The following ARSF variants were observed in gnomAD, a reference collection of about 807,000 sequenced individuals.
ARSF encodes the protein arylsulfatase F.
A neutral mutation model predicts 35.4 loss-of-function variants in ARSF; 33 were observed. The ratio of observed to expected loss-of-function variants is 0.93; its 90% confidence interval spans 0.71 to 1.25. ARSF has a LOEUF of 1.25. Ranked by LOEUF, ARSF falls within the 50% of genes most tolerant of loss-of-function variation. The pLI is 0.00. For synonymous variants in ARSF, 222 were observed against 193.1 expected (o/e 1.15, Z -1.24); for missense variants, 501 against 480.2 (o/e 1.04, Z -0.40).
chrX:3,090,361 A>G (rs772326721), intron 7 of ARSF, among the ~76,000 whole-genome samples: 27 of 111,853 alleles, frequency 2.4e-4, no homozygotes, highest in Non-Finnish European at 4.3e-4. Context: ...TGACAAGATC[A>G]GCTAAAATCT....
chrX:3,047,490 T>C (rs961388535), intron 1 of ARSF, among the ~76,000 whole-genome samples: 71 of 109,876 alleles, frequency 6.5e-4, no homozygotes, highest in African/African-American at 2.3e-3. Flanking sequence ...ATATGCTTAA[T>C]TTTTAAATGC....
At chrX:3,068,522 A>G (rs778423040) in intron 2 of ARSF, among the ~76,000 whole-genome samples, 1 of 111,327 alleles carries the variant, frequency 9.0e-6, no homozygotes, top group Non-Finnish European at 1.9e-5. Flanking sequence ...TGGGCTCAAG[A>G]GATCCTCCAG....
chrX:3,098,085 C>CACAT (rs2090350164), intron 7 of ARSF, among the ~76,000 whole-genome samples: 1 of 107,730 alleles, frequency 9.3e-6, no homozygotes, highest in African/African-American at 3.4e-5. Context: ...CACACACACA[C>CACAT]ACAATGGACA....
In ARSF at chrX:3,086,824, T is replaced by TA. The variant is rs939258186; in HGVS notation, c.830+2166dup. Reference sequence around the variant, plus strand: ...CAGAGTGAGGCCCTGTCTTAAAAAATAAAAAAAATTACCACAAATGTAGTG... The same window carrying TA: ...CAGAGTGAGGCCCTGTCTTAAAAAATAAAAAAAAATTACCACAAATGTAGTG... On this transcript the variant is annotated intron_variant, in intron 6 of 10. Coordinates refer to ENST00000381127, the MANE Select transcript of ARSF (RefSeq NM_001201539.2). 1.8e-3 allele frequency among the ~76,000 whole-genome samples: 195 copies of TA among 110,702 alleles called. 1 individual carries two copies. Among genetic ancestry groups the TA allele is most frequent in the African/African-American group, 4.9e-3 (149 of 30,572 alleles).
At chrX:3,099,964 C>T (rs2090364540) in intron 7 of ARSF, among the ~76,000 whole-genome samples, 1 of 111,674 alleles carries the variant, frequency 9.0e-6, no homozygotes, top group African/African-American at 3.3e-5. Flanking sequence ...TCTGAGATAA[C>T]CAACAGTAGA....
At chrX:3,065,357 G>A (rs1369351036) in intron 1 of ARSF, among the ~76,000 whole-genome samples, 2 of 109,100 alleles carry the variant, frequency 1.8e-5, no homozygotes, top group Non-Finnish European at 3.8e-5. Context: ...TGGATGCAGC[G>A]GGCCAGCATG....
intron 10 of ARSF, 61 bp downstream of exon 10, chrX:3,110,313 C>T (rs1569150006): frequency 9.7e-7 from 1 of 1,025,955 alleles, no homozygotes; most frequent in South Asian, 3.3e-5. Flanking sequence ...CAGGTGTATC[C>T]TGAACGCATT....
At chrX:3,098,087 C>CACACACACACACAA (rs58668831) in intron 7 of ARSF, among the ~76,000 whole-genome samples, 1 of 106,835 alleles carries the variant, frequency 9.4e-6, no homozygotes, top group Non-Finnish European at 1.9e-5. Flanking sequence ...CACACACACA[C>CACACACACACACAA]AATGGACACT....
chrX:3,101,056 A>G (rs1367008769), intron 7 of ARSF, 31 bp from the exon 8 acceptor site: 9 of 1,195,834 alleles, frequency 7.5e-6, no homozygotes, highest in Non-Finnish European at 9.0e-6. Context: ...TAATGTCATT[A>G]TTTTTACTTG....
intron 8 of ARSF, among the ~76,000 whole-genome samples, chrX:3,101,977 G>A (rs997304772): frequency 2.7e-5 from 3 of 111,502 alleles, no homozygotes; most frequent in Non-Finnish European, 3.8e-5. Context: ...TCTTGGATTC[G>A]GTAGGAAATT....
chrX:3,057,012 T>A (rs1406573176), intron 1 of ARSF, among the ~76,000 whole-genome samples: 2 of 111,652 alleles, frequency 1.8e-5, no homozygotes, highest in Non-Finnish European at 3.8e-5. Flanking sequence ...AGTCAGATGC[T>A]CAGGTGGGAT....
intron 6 of ARSF, among the ~76,000 whole-genome samples, chrX:3,087,434 G>A (rs986284023): frequency 9.2e-6 from 1 of 108,988 alleles, no homozygotes; most frequent in Non-Finnish European, 1.9e-5. Context: ...TGCTTCATCT[G>A]CATATGGCCT....
intron 4 of ARSF, among the ~76,000 whole-genome samples, chrX:3,078,164 A>G (rs1384186652): frequency 9.1e-6 from 1 of 110,392 alleles, no homozygotes; most frequent in African/African-American, 3.3e-5. Flanking sequence ...CGTAAGCTCT[A>G]GTTGTCATGT....
chrX:3,053,644 A>G (rs2147477549), intron 1 of ARSF, among the ~76,000 whole-genome samples: 1 of 109,491 alleles, frequency 9.1e-6, no homozygotes, highest in East Asian at 2.9e-4. Context: ...CTTGTCGCCC[A>G]GGCTGGGGTG....
In ARSF at chrX:3,047,654, CTG is replaced by C. The variant is rs2089980887; in HGVS notation, c.-29+5993_-29+5994del. On this transcript the variant is annotated intron_variant, in intron 1 of 10. Coordinates refer to ENST00000381127, the MANE Select transcript of ARSF (RefSeq NM_001201539.2). ...GACTAGGTAAACACCACTACAAGGTCTGTTTATCCTGAAAAGGGGACTGCCCA... is the reference window on the plus strand; with the variant it reads ...GACTAGGTAAACACCACTACAAGGTCTTTATCCTGAAAAGGGGACTGCCCA... Among the ~76,000 whole-genome samples, 3 of 110,130 alleles carry C rather than the reference CTG, an allele frequency of 2.7e-5. No individual in the cohort carries two copies. In the South Asian group the frequency reaches 1.2e-3, roughly 44 times the overall value.
intron 7 of ARSF, among the ~76,000 whole-genome samples, chrX:3,093,506 G>A (rs966394186): frequency 9.0e-6 from 1 of 111,573 alleles, no homozygotes; most frequent in East Asian, 2.8e-4. Context: ...GAGAACATGT[G>A]GTAGTTGGTT....
intron 7 of ARSF, 87 bp from the exon 8 acceptor site, chrX:3,101,000 C>T (rs1219078614): frequency 9.8e-6 from 9 of 921,069 alleles, no homozygotes; most frequent in Non-Finnish European, 1.2e-5. Context: ...TCCTTGTTTT[C>T]CTTTAGATAG....
rs1457030654 is a variant in ARSF, at chrX:3,112,182, G to T, written c.1399G>T (p.Val467Phe). 1 of 1,206,306 alleles carries T rather than the reference G, an allele frequency of 8.3e-7. No individual in the cohort carries two copies. Among genetic ancestry groups the T allele is most frequent in the Admixed American group, 2.2e-5 (1 of 45,479 alleles). Residue 467 changes from valine (V) to phenylalanine (F), a missense_variant, in exon 11 of 11, where the codon GTT becomes TTT. Coordinates refer to ENST00000381127, the MANE Select transcript of ARSF (RefSeq NM_001201539.2). ...TCTCTTTTCTCCTCCAGGTGGGTCA[G>T]TTTGGAAGGCTCACTATGTGACCCC... ...RWIPKDDSGS[V>F]WKAHYVTPVF...
chrX:3,099,880 C>T (rs970472633), intron 7 of ARSF, among the ~76,000 whole-genome samples: 2 of 111,599 alleles, frequency 1.8e-5, no homozygotes, highest in African/African-American at 6.5e-5. Context: ...TCTTAACTTG[C>T]CCTTACTTGT....
Sources: gnomAD v4.1 joint callset for allele counts (sites outside exome capture counted in the v4.1 genomes callset) on GRCh38, gnomAD v4.1.1 for gene constraint, MANE v1.5 for transcripts, NCBI Gene and HGNC (gene_info 2026-07-23, HGNC 2026-07-21) for gene names.